BACH2: variants seen among roughly 807,000 people sequenced by gnomAD.
The protein encoded by BACH2 is transcription regulator protein BACH2.
In BACH2, 5 loss-of-function variants were observed where a neutral mutation model predicts 61.8. That is an observed-to-expected ratio of 0.08 (90% CI 0.04 to 0.17). BACH2 has a LOEUF of 0.17. Among genes scored for constraint, BACH2 ranks in the 10% least tolerant of loss-of-function variants. BACH2 has a pLI of 1.00. For missense variants in BACH2, 824 were observed against 1,091.1 expected (o/e 0.76, Z 3.45); for synonymous variants, 446 against 440.1 (o/e 1.01, Z -0.17).
At chr6:89,961,639 G>A (rs981160818) in intron 6 of BACH2, among the ~76,000 whole-genome samples, 1 of 152,192 alleles carries the variant, frequency 6.6e-6, no homozygotes, top group Non-Finnish European at 1.5e-5. Context: ...GTGATGAGAA[G>A]TTTGGCCCCT....
chr6:90,235,300 T>C (rs1228446318), intron 3 of BACH2, among the ~76,000 whole-genome samples: 2 of 152,190 alleles, frequency 1.3e-5, no homozygotes, highest in African/African-American at 4.8e-5. Context: ...AGAACAGAGA[T>C]AAATCACTTA....
chr6:90,274,933 C>T (rs1398618062), intron 1 of BACH2, among the ~76,000 whole-genome samples: 4 of 152,222 alleles, frequency 2.6e-5, no homozygotes, highest in African/African-American at 9.6e-5. Context: ...TCAGAGGCTA[C>T]AGTTCCTCCC....
intron 4 of BACH2, among the ~76,000 whole-genome samples, chr6:90,091,696 C>T (rs1029901636): frequency 2.6e-5 from 4 of 152,140 alleles, no homozygotes; most frequent in Non-Finnish European, 5.9e-5. Context: ...CAAATTTCTG[C>T]ACCCACTAAT....
chr6:89,959,635 CAACTT>C (rs1237591333), intron 6 of BACH2, among the ~76,000 whole-genome samples: 1 of 152,212 alleles, frequency 6.6e-6, no homozygotes, highest in African/African-American at 2.4e-5. Context: ...TACTTTAATA[CAACTT>C]AACTACCTTA....
intron 3 of BACH2, among the ~76,000 whole-genome samples, chr6:90,243,691 T>C (rs1374152809): frequency 6.6e-6 from 1 of 152,222 alleles, no homozygotes; most frequent in Non-Finnish European, 1.5e-5. Context: ...AAAAATTCTA[T>C]GAATTTGGCA....
intron 4 of BACH2, among the ~76,000 whole-genome samples, chr6:90,161,227 G>A (rs2127833263): frequency 6.6e-6 from 1 of 151,938 alleles, no homozygotes; most frequent in South Asian, 2.1e-4. Context: ...AGCAATTAAA[G>A]TTTGGGATTA....
At chr6:90,086,120 C>T (rs575960489) in intron 5 of BACH2, among the ~76,000 whole-genome samples, 86 of 152,272 alleles carry the variant, frequency 5.6e-4, no homozygotes, top group African/African-American at 1.8e-3. Context: ...CACTTAGCAT[C>T]TTCAGGGTTC....
intron 5 of BACH2, among the ~76,000 whole-genome samples, chr6:90,049,544 G>C (rs1779940168): frequency 6.6e-6 from 1 of 152,156 alleles, no homozygotes; most frequent in African/African-American, 2.4e-5. Context: ...CTAAGATGCT[G>C]TATGTCTTTT....
intron 4 of BACH2, among the ~76,000 whole-genome samples, chr6:90,096,254 T>C (rs1782377125): frequency 6.6e-6 from 1 of 152,180 alleles, no homozygotes; most frequent in Non-Finnish European, 1.5e-5. Flanking sequence ...TTGCCTGGCC[T>C]TGCCACCTGC....
At chr6:89,988,154 A>G (rs979981275) in intron 6 of BACH2, among the ~76,000 whole-genome samples, 2 of 152,248 alleles carry the variant, frequency 1.3e-5, no homozygotes, top group Non-Finnish European at 2.9e-5. Flanking sequence ...ATAATTTCTT[A>G]TGTAAGTTTT....
At position 90,186,664 on chromosome 6, in the gene BACH2, G is replaced by A. The variant is rs180797083; in HGVS notation, c.-162+19905C>T. Among the ~76,000 whole-genome samples, 786 of 152,236 alleles carry A rather than the reference G, an allele frequency of 5.2e-3. 10 individuals are homozygous for A. The highest frequency in any genetic ancestry group is 0.018 in the African/African-American group (751 of 41,538). ...GGAGAAGTCACTTTTTGAGAGCTCG[G>A]TCCTCATGCCCCTCCCCTGCCCCCG... On this transcript the variant is annotated intron_variant, in intron 4 of 8. Transcript: ENST00000257749.
chr6:90,021,578 C>G (rs1778379203), intron 5 of BACH2, among the ~76,000 whole-genome samples: 1 of 152,106 alleles, frequency 6.6e-6, no homozygotes. Flanking sequence ...AATTCCTGCT[C>G]TTATAAAACA....
intron 6 of BACH2, among the ~76,000 whole-genome samples, chr6:89,976,096 G>A (rs1479475080): frequency 6.6e-6 from 1 of 152,184 alleles, no homozygotes; most frequent in Non-Finnish European, 1.5e-5. Context: ...TCATGCCTGA[G>A]TATCACTTCT....
intron 4 of BACH2, among the ~76,000 whole-genome samples, chr6:90,137,840 C>T (rs996211119): frequency 2.0e-5 from 3 of 152,122 alleles, no homozygotes; most frequent in East Asian, 1.9e-4. Flanking sequence ...TAATAAGATT[C>T]GGCTGCTGTC....
rs142390152 is a variant in BACH2 at position 89,936,117 on chromosome 6, A to C, written c.2043+2027T>G. On this transcript the variant is annotated intron_variant, in intron 8 of 8. Transcript: ENST00000257749. ...AATGGGTCCAACACTGGATATTCAG[A>C]GATGATCAAGTCACTGTCCTTGTCC... 2.8e-4 allele frequency among the ~76,000 whole-genome samples: 42 copies of C among 152,368 alleles called. 1 individual carries two copies. The East Asian group carries it at 6.0e-3, about 22-fold the overall frequency.
chr6:90,124,517 A>G (rs1457267379), intron 4 of BACH2, among the ~76,000 whole-genome samples: 1 of 152,218 alleles, frequency 6.6e-6, no homozygotes, highest in Non-Finnish European at 1.5e-5. Context: ...AGGATGTACT[A>G]AAACTGCAAA....
At chr6:90,061,077 A>C (rs75090429) in intron 5 of BACH2, among the ~76,000 whole-genome samples, 1 of 152,152 alleles carries the variant, frequency 6.6e-6, no homozygotes, top group Admixed American at 6.5e-5. Context: ...AAGTTTTTAG[A>C]AAGTAGGAGA....
chr6:90,082,399 C>T (rs545694981), intron 5 of BACH2, among the ~76,000 whole-genome samples: 1 of 152,004 alleles, frequency 6.6e-6, no homozygotes, highest in East Asian at 1.9e-4. Flanking sequence ...ACTAGTGAGT[C>T]CACACAGCTA....
rs534300458 is a variant in BACH2, at chr6:90,032,431, T to G, written c.-12-23575A>C. Among the ~76,000 whole-genome samples the G allele has an allele frequency of 2.9e-3, 259 of 90,508 alleles. 2 individuals are homozygous for G. Among genetic ancestry groups the G allele is most frequent in the East Asian group, 9.7e-3 (9 of 930 alleles). 59.4% of individuals were successfully genotyped at this position (90,508 alleles called of 152,430 possible). A position where few individuals can be genotyped will look rare whatever the true frequency, so the allele number is the denominator to read the frequency against. On this transcript the variant is annotated intron_variant, in intron 5 of 8. Coordinates refer to ENST00000257749, the MANE Select transcript of BACH2 (RefSeq NM_021813.4). ...AGAGTGAACAGGCAACCTACAGAAT[T>G]GGAGGAAATTTTTGTAATCTACTCA...
Sources: allele counts gnomAD v4.1 joint callset (sites outside exome capture counted in the v4.1 genomes callset), GRCh38; gene constraint gnomAD v4.1.1; transcripts MANE v1.5; gene names NCBI Gene and HGNC (gene_info 2026-07-23, HGNC 2026-07-21).